Variants in SLC9C2 observed in about 807,000 individuals in gnomAD.
SLC9C2 encodes solute carrier family 9 member C2 (putative).
In SLC9C2, 75 loss-of-function variants were observed where a neutral mutation model predicts 140.2. The ratio of observed to expected loss-of-function variants is 0.53; its 90% CI spans 0.44 to 0.65. The LOEUF (loss-of-function observed/expected upper bound fraction) is 0.65. Among genes scored for constraint, SLC9C2 ranks in the 30% least tolerant of loss-of-function variants. The pLI, the probability that SLC9C2 is intolerant of heterozygous loss-of-function variation, is 0.00. For synonymous variants in SLC9C2, 375 were observed against 420.9 expected (o/e 0.89, Z 1.34); for missense variants, 1,074 against 1,331.8 (o/e 0.81, Z 3.01).
rs35363966 is a variant in SLC9C2 at position 173,501,505 on chromosome 1, CTTTTTTTTT to C, written c.3372-417_3372-409del. Among the ~76,000 whole-genome samples, 592 of 96,320 alleles carry C rather than the reference CTTTTTTTTT, an allele frequency of 6.1e-3. 6 individuals are homozygous for C. The highest frequency in any genetic ancestry group is 0.022 in the African/African-American group (551 of 25,082). The allele number at this position is 96,320 out of a possible 152,430, so 63.2% of individuals were successfully genotyped here. A position where few individuals can be genotyped will look rare whatever the true frequency, so the allele number is the denominator to read the frequency against. On this transcript the variant is annotated intron_variant, in intron 27 of 27. Transcript: ENST00000367714. ...AAATGAGGAACTCAATTATTTGACT[CTTTTTTTTT>C]TTTTTTTTTTTTTTGAGACAGAGTC...
intron 9 of SLC9C2, among the ~76,000 whole-genome samples, chr1:173,562,745 T>A (rs1395781650): frequency 6.6e-6 from 1 of 152,192 alleles, no homozygotes; most frequent in Non-Finnish European, 1.5e-5. Flanking sequence ...TAAATCACAT[T>A]CTTAGAAGTG....
intron 23 of SLC9C2, among the ~76,000 whole-genome samples, chr1:173,516,050 T>A (rs1660392031): frequency 6.6e-6 from 1 of 152,180 alleles, no homozygotes; most frequent in South Asian, 2.1e-4. Flanking sequence ...TCCTCTGGGA[T>A]CTCTGACCTT....
chr1:173,584,865 T>C (rs2102228728), intron 5 of SLC9C2, among the ~76,000 whole-genome samples: 1 of 152,292 alleles, frequency 6.6e-6, no homozygotes, highest in Non-Finnish European at 1.5e-5. Context: ...CTGTGTTTCA[T>C]TTTAGACAGT....
At position 173,557,436 on chromosome 1, in the gene SLC9C2, A is replaced by C. The variant is rs780994778; in HGVS notation, c.1119T>G (p.Val373=). The C allele has an allele frequency of 1.2e-6, 2 of 1,613,974 alleles. No individual in the cohort carries two copies. Among genetic ancestry groups the C allele is most frequent in the Non-Finnish European group, 1.7e-6 (2 of 1,179,876 alleles). The change falls in exon 10 of 28, where the codon GTT becomes GTG. Residue 373 remains valine, a synonymous_variant. Coordinates refer to ENST00000367714, the MANE Select transcript of SLC9C2 (RefSeq NM_178527.4). The part of the protein sequence containing the change: ...SNYEYNWRWG[V]VITWSGIKGV... ...CTTTAATTCCAGACCACGTGATTAC[A>C]ACTCCCCATCGCCAATTATATTCAT...
chr1:173,595,494 A>C (rs1666396207), intron 4 of SLC9C2, among the ~76,000 whole-genome samples: 1 of 152,206 alleles, frequency 6.6e-6, no homozygotes, highest in African/African-American at 2.4e-5. Flanking sequence ...CAAAGTTGTT[A>C]GGGATGCTTG....
At chr1:173,587,364 T>G (rs1485496578) in intron 5 of SLC9C2, among the ~76,000 whole-genome samples, 9 of 152,134 alleles carry the variant, frequency 5.9e-5, no homozygotes, top group Non-Finnish European at 1.2e-4. Context: ...TGGCTAAGAA[T>G]TCACTGGAAC....
intron 6 of SLC9C2, among the ~76,000 whole-genome samples, chr1:173,582,568 G>A (rs1665611602): frequency 6.6e-6 from 1 of 152,176 alleles, no homozygotes; most frequent in South Asian, 2.1e-4. Context: ...CTCCCTCATT[G>A]AGAAGCACTG....
intron 11 of SLC9C2, among the ~76,000 whole-genome samples, chr1:173,549,875 C>T (rs1029956063): frequency 1.3e-5 from 2 of 152,140 alleles, no homozygotes. Flanking sequence ...AGTACAATCC[C>T]TCACTGATCT....
At chr1:173,566,253 G>A (rs12030037) in intron 9 of SLC9C2, among the ~76,000 whole-genome samples, 21,200 of 151,852 alleles carry the variant, frequency 0.14, 1,770 homozygotes, top group East Asian at 0.32. Context: ...GAGTATAATG[G>A]GTATTATTCT....
intron 24 of SLC9C2, among the ~76,000 whole-genome samples, chr1:173,508,552 C>T (rs189848051): frequency 6.6e-6 from 1 of 152,216 alleles, no homozygotes; most frequent in Non-Finnish European, 1.5e-5. Flanking sequence ...GAGAAGAATT[C>T]CAATCCCCTT....
intron 18 of SLC9C2, among the ~76,000 whole-genome samples, chr1:173,529,627 T>C (rs1253803792): frequency 6.7e-6 from 1 of 150,072 alleles, no homozygotes; most frequent in African/African-American, 2.5e-5. Flanking sequence ...TTAGAGAGTG[T>C]TACAGAGACA....
At chr1:173,518,131 C>T (rs938670185) in intron 22 of SLC9C2, among the ~76,000 whole-genome samples, 3 of 152,024 alleles carry the variant, frequency 2.0e-5, no homozygotes, top group African/African-American at 4.8e-5. Flanking sequence ...AGCATGGTGA[C>T]GCATACTTGT....
At chr1:173,574,739 T>C (rs1665059172) in intron 8 of SLC9C2, among the ~76,000 whole-genome samples, 2 of 151,992 alleles carry the variant, frequency 1.3e-5, no homozygotes, top group African/African-American at 2.4e-5. Flanking sequence ...CTTGATCTCC[T>C]GACCTCGTGA....
Position 173,507,056 on chromosome 1 carries a change from C to T in SLC9C2, c.3040-15G>A. ...AACCTTAAGTCCTATAATAAAATTGCATTTTAGAAAATAAGTCATACAAAC... is the reference window on the plus strand; with the variant it reads ...AACCTTAAGTCCTATAATAAAATTGTATTTTAGAAAATAAGTCATACAAAC... On this transcript the variant is annotated splice_polypyrimidine_tract_variant and intron_variant, in intron 24 of 27. Transcript: ENST00000367714. 1 of 1,532,440 alleles carries T rather than the reference C, an allele frequency of 6.5e-7. No individual in the cohort carries two copies. The highest frequency in any genetic ancestry group is 1.3e-5 in the South Asian group (1 of 77,860). The allele number at this position is 1,532,440 out of a possible 1,614,324, so 94.9% of individuals were successfully genotyped here.
At chr1:173,593,835 A>AAT (rs1438297680) in intron 4 of SLC9C2, among the ~76,000 whole-genome samples, 1 of 152,214 alleles carries the variant, frequency 6.6e-6, no homozygotes, top group Non-Finnish European at 1.5e-5. Flanking sequence ...AACTATCCTA[A>AAT]ATATATATGT....
chr1:173,518,724 CT>C, intron 22 of SLC9C2, among the ~76,000 whole-genome samples: 1 of 152,296 alleles, frequency 6.6e-6, no homozygotes. Flanking sequence ...AGGTCATTCT[CT>C]CCCAGCAATT....
At chr1:173,532,708 G>A (rs1661665399) in intron 17 of SLC9C2, among the ~76,000 whole-genome samples, 1 of 152,048 alleles carries the variant, frequency 6.6e-6, no homozygotes, top group Non-Finnish European at 1.5e-5. Context: ...TTTATTAAGT[G>A]CTTACTATAC....
At chr1:173,554,441 G>A (rs10753083) in intron 11 of SLC9C2, among the ~76,000 whole-genome samples, 1 of 151,892 alleles carries the variant, frequency 6.6e-6, no homozygotes, top group Non-Finnish European at 1.5e-5. Context: ...GGAAAGGAAC[G>A]TGGATTTCTA....
intron 23 of SLC9C2, among the ~76,000 whole-genome samples, chr1:173,516,475 C>A (rs879145466): frequency 1.3e-5 from 2 of 152,162 alleles, no homozygotes; most frequent in Admixed American, 6.5e-5. Flanking sequence ...ACCCTCCACC[C>A]TCCAATAGGC....
Sources: allele counts gnomAD v4.1 joint callset (sites outside exome capture counted in the v4.1 genomes callset), GRCh38; gene constraint gnomAD v4.1.1; transcripts MANE v1.5; gene names NCBI Gene and HGNC (gene_info 2026-07-23, HGNC 2026-07-21).